The following RSRC1 variants were observed in gnomAD, a reference collection of about 807,000 sequenced individuals.
RSRC1 encodes serine/Arginine-related protein 53.
A neutral mutation model predicts 49.1 loss-of-function variants in RSRC1; 39 were observed. That is an observed-to-expected ratio of 0.79 (90% CI 0.61 to 1.04). RSRC1 has a LOEUF of 1.04. Ranked by LOEUF, RSRC1 falls within the 50% of genes least tolerant of loss-of-function variation. The pLI, the probability that RSRC1 is intolerant of heterozygous loss-of-function variation, is 0.00. For synonymous variants in RSRC1, 143 were observed against 130.8 expected, an observed-to-expected ratio of 1.09 and a Z score of -0.63; for missense variants, 388 against 402.4, an observed-to-expected ratio of 0.96 and a Z score of 0.31.
Position 158,284,420 on chromosome 3 carries a change from G to T in RSRC1, c.495-13619G>T, listed in dbSNP as rs544541825. The stretch of plus-strand genomic sequence containing the variant: ...TGGGTATATACCCAGTAATGGGATG[G>T]CTGGGTCAAATGGTATTTCTAGTTC... On this transcript the variant is annotated intron_variant, in intron 4 of 9. Coordinates refer to ENST00000611884, the MANE Select transcript of RSRC1 (RefSeq NM_001271838.2). Among the ~76,000 whole-genome samples, 169 of 146,848 alleles carry T rather than the reference G, an allele frequency of 1.2e-3. 2 individuals carry two copies. The highest frequency in any genetic ancestry group is 4.2e-3 in the African/African-American group (164 of 39,150).
intron 7 of RSRC1, among the ~76,000 whole-genome samples, chr3:158,524,293 G>T (rs1711873510): frequency 6.6e-6 from 1 of 151,974 alleles, no homozygotes; most frequent in South Asian, 2.1e-4. Context: ...TTCAATTAGG[G>T]CACAATTAAG....
At chr3:158,121,652 G>T (rs190855430) in intron 1 of RSRC1, among the ~76,000 whole-genome samples, 131 of 152,230 alleles carry the variant, frequency 8.6e-4, no homozygotes, top group African/African-American at 3.0e-3. Context: ...AATATATTTT[G>T]TCATTAGGGA....
At chr3:158,421,963 C>A (rs1412785000) in intron 6 of RSRC1, among the ~76,000 whole-genome samples, 1 of 151,740 alleles carries the variant, frequency 6.6e-6, no homozygotes, top group Non-Finnish European at 1.5e-5. Flanking sequence ...TCCATTCCTA[C>A]CCTCATAATA....
chr3:158,385,509 C>T (rs1732923851), intron 6 of RSRC1, among the ~76,000 whole-genome samples: 1 of 152,038 alleles, frequency 6.6e-6, no homozygotes, highest in Non-Finnish European at 1.5e-5. Context: ...TTTAGTTTTT[C>T]CCTACCTGGT....
At chr3:158,247,788 G>A (rs1723989631) in intron 4 of RSRC1, among the ~76,000 whole-genome samples, 1 of 152,058 alleles carries the variant, frequency 6.6e-6, no homozygotes, top group Non-Finnish European at 1.5e-5. Flanking sequence ...TCCTAGGGCG[G>A]CACTGACCTA....
At chr3:158,242,115 A>G (rs902174879) in intron 4 of RSRC1, among the ~76,000 whole-genome samples, 4 of 126,298 alleles carry the variant, frequency 3.2e-5, no homozygotes, top group Non-Finnish European at 6.2e-5. Context: ...AGTGTGTGCC[A>G]TGGTGATTAG....
intron 7 of RSRC1, among the ~76,000 whole-genome samples, chr3:158,516,592 G>A (rs1451872801): frequency 6.6e-6 from 1 of 152,202 alleles, no homozygotes; most frequent in African/African-American, 2.4e-5. Flanking sequence ...TACAGAGGCA[G>A]GCAGGCCTCC....
chr3:158,403,979 T>C (rs1734022734), intron 6 of RSRC1, among the ~76,000 whole-genome samples: 1 of 151,884 alleles, frequency 6.6e-6, no homozygotes. Context: ...CCAAGATAAA[T>C]AATTTATATT....
intron 4 of RSRC1, among the ~76,000 whole-genome samples, chr3:158,228,178 G>A (rs997910985): frequency 2.4e-4 from 36 of 151,874 alleles, no homozygotes; most frequent in African/African-American, 8.5e-4. Context: ...TGTCATATCT[G>A]AACATAATAA....
intron 6 of RSRC1, among the ~76,000 whole-genome samples, chr3:158,438,566 G>T (rs1249204856): frequency 6.6e-6 from 1 of 152,082 alleles, no homozygotes; most frequent in African/African-American, 2.4e-5. Flanking sequence ...CAAGCAATGG[G>T]GAAAGGATTC....
intron 3 of RSRC1, among the ~76,000 whole-genome samples, chr3:158,196,081 C>T (rs1009461592): frequency 3.3e-5 from 5 of 151,992 alleles, no homozygotes; most frequent in African/African-American, 1.2e-4. Flanking sequence ...CTATAAATTA[C>T]CTTGGTCAGT....
chr3:158,461,353 A>G (rs1485668427), intron 7 of RSRC1, among the ~76,000 whole-genome samples: 2 of 151,944 alleles, frequency 1.3e-5, no homozygotes, highest in Admixed American at 6.6e-5. Flanking sequence ...TTCAGTAGTG[A>G]TGAAGAAAAG....
chr3:158,503,293 G>T (rs984592875), intron 7 of RSRC1, among the ~76,000 whole-genome samples: 4 of 152,088 alleles, frequency 2.6e-5, no homozygotes, highest in South Asian at 2.1e-4. Flanking sequence ...GGAGGTATTG[G>T]GGGAGTGCAA....
At chr3:158,351,222 A>G (rs896897069) in intron 5 of RSRC1, among the ~76,000 whole-genome samples, 1 of 152,184 alleles carries the variant, frequency 6.6e-6, no homozygotes, top group Non-Finnish European at 1.5e-5. Flanking sequence ...AAGCCTAGAA[A>G]CAATGGAAGG....
At chr3:158,152,594 C>T (rs1717611576) in intron 3 of RSRC1, among the ~76,000 whole-genome samples, 2 of 152,170 alleles carry the variant, frequency 1.3e-5, no homozygotes, top group Non-Finnish European at 2.9e-5. Flanking sequence ...GGAATGAATT[C>T]ATCTCAGAAT....
At chr3:158,228,203 A>G (rs1390882074) in intron 4 of RSRC1, among the ~76,000 whole-genome samples, 1 of 152,024 alleles carries the variant, frequency 6.6e-6, no homozygotes, top group African/African-American at 2.4e-5. Flanking sequence ...TCCATAGGGA[A>G]CTTTAATGAT....
At chr3:158,285,504 T>C (rs1220553235) in intron 4 of RSRC1, among the ~76,000 whole-genome samples, 1 of 152,246 alleles carries the variant, frequency 6.6e-6, no homozygotes, top group African/African-American at 2.4e-5. Flanking sequence ...TTTCACGATA[T>C]TGATTCTTCC....
rs1722685267 is a variant in RSRC1 at position 158,228,876 on chromosome 3, C to CACATACGTGTATATGTGTATATAA, written c.494+25642_494+25643insTATGTGTATATAAACATACGTGTA. ...ACATACGTGTATATATGTATATAAA[C>CACATACGTGTATATGTGTATATAA]ACATACGTGTAATGTGTATATAAAC... On this transcript the variant is annotated intron_variant, in intron 4 of 9. Coordinates refer to ENST00000611884, the MANE Select transcript of RSRC1 (RefSeq NM_001271838.2). Among the ~76,000 whole-genome samples, 7 of 62,996 alleles carry CACATACGTGTATATGTGTATATAA rather than the reference C, an allele frequency of 1.1e-4. 3 individuals are homozygous for CACATACGTGTATATGTGTATATAA. The highest frequency in any genetic ancestry group is 1.0e-3 in the Admixed American group (6 of 5,932). 41.3% of individuals were successfully genotyped at this position (62,996 alleles called of 152,430 possible). A position where few individuals can be genotyped will look rare whatever the true frequency, so the allele number is the denominator to read the frequency against.
chr3:158,481,940 A>G (rs1389014541), intron 7 of RSRC1, among the ~76,000 whole-genome samples: 1 of 152,020 alleles, frequency 6.6e-6, no homozygotes, highest in Non-Finnish European at 1.5e-5. Context: ...GCACAGAGTG[A>G]TTTGTGTAAT....
Sources: allele counts gnomAD v4.1 joint callset (sites outside exome capture counted in the v4.1 genomes callset), GRCh38; gene constraint gnomAD v4.1.1; transcripts MANE v1.5; gene names NCBI Gene and HGNC (gene_info 2026-07-23, HGNC 2026-07-21).